Variants in CCDC141 observed in about 807,000 individuals in gnomAD.
The protein encoded by CCDC141 is coiled-coil domain-containing protein 141.
A neutral mutation model predicts 181.0 loss-of-function variants in CCDC141; 168 were observed. The observed-to-expected ratio is 0.93, with a 90% CI of 0.82 to 1.05. The LOEUF is 1.05. Among genes scored for constraint, CCDC141 ranks in the 50% least tolerant of loss-of-function variants. The probability of loss-of-function intolerance (pLI) is 0.00; values close to 1 mark genes in which losing one functional copy is unlikely to be tolerated. For missense variants in CCDC141, 1,902 were observed against 1,788.5 expected, an observed-to-expected ratio of 1.06 and a Z score of -1.14; for synonymous variants, 666 against 642.3, an observed-to-expected ratio of 1.04 and a Z score of -0.56.
rs560278029 is a variant in CCDC141 at position 178,957,079 on chromosome 2, T to C, written c.780+4151A>G. ...TTAGTAGAGATGGGGTTTCTCCATGTTGAGGCTGATCTCGAACTCCTGATC... is the reference window on the plus strand; with the variant it reads ...TTAGTAGAGATGGGGTTTCTCCATGCTGAGGCTGATCTCGAACTCCTGATC... On this transcript the variant is annotated intron_variant, in intron 5 of 23. Transcript: ENST00000443758. Among the ~76,000 whole-genome samples, 19 of 152,298 alleles carry C rather than the reference T, an allele frequency of 1.2e-4. No individual in the cohort carries two copies. In the East Asian group the frequency reaches 3.5e-3, roughly 28 times the overall value.
chr2:178,999,706 C>A (rs1361008096), intron 2 of CCDC141, among the ~76,000 whole-genome samples: 9 of 152,002 alleles, frequency 5.9e-5, no homozygotes, highest in Non-Finnish European at 1.2e-4. Context: ...CTCCTATGGT[C>A]TATCATCTAT....
rs13033688 is a variant in CCDC141, at chr2:178,853,406, T to G, written c.3244+35A>C. 3 of 1,597,576 alleles carry G rather than the reference T, an allele frequency of 1.9e-6. No homozygotes were observed. The East Asian group carries it at 6.7e-5, about 36-fold the overall frequency. ...TTAGGCTCAGTATAGATTTGTTCAA[T>G]GGCCAATCACTGGATATCTTAAAAG... is the stretch of plus-strand genomic sequence containing the variant. On this transcript the variant is annotated intron_variant, in intron 20 of 23. Transcript: ENST00000443758.
chr2:178,871,668 C>G (rs1305151265), intron 13 of CCDC141, 116 bp from the exon 14 acceptor site: 6 of 1,154,614 alleles, frequency 5.2e-6, no homozygotes, highest in Non-Finnish European at 7.3e-6. Context: ...TGAAAACACT[C>G]AGGATGTGGC....
intron 4 of CCDC141, among the ~76,000 whole-genome samples, chr2:178,969,306 A>AT (rs1690776607): frequency 6.6e-6 from 1 of 151,806 alleles, no homozygotes; most frequent in Admixed American, 6.6e-5. Context: ...CAAAAAAGAA[A>AT]ATTTTTTTCT....
chr2:178,935,105 T>C (rs1027283478), intron 6 of CCDC141, among the ~76,000 whole-genome samples: 2 of 152,126 alleles, frequency 1.3e-5, no homozygotes, highest in African/African-American at 4.8e-5. Context: ...ATGTGGATAC[T>C]TTCACAAACA....
intron 5 of CCDC141, among the ~76,000 whole-genome samples, chr2:178,957,234 G>A (rs1229820582): frequency 1.3e-5 from 2 of 152,172 alleles, no homozygotes; most frequent in Admixed American, 6.5e-5. Context: ...AAACTAATAC[G>A]TATTAAGTAC....
chr2:178,978,589 G>C lies in CCDC141; in HGVS notation c.312C>G (p.Ala104=). 6.5e-7 allele frequency: 1 copy of C among 1,549,898 alleles called. No individual in the cohort carries two copies. The highest frequency in any genetic ancestry group is 2.4e-5 in the East Asian group (1 of 40,842). Residue 104 remains alanine, a synonymous_variant, in exon 3 of 24, where the codon GCC becomes GCG. Coordinates refer to ENST00000443758, the MANE Select transcript of CCDC141 (RefSeq NM_173648.4). ...ENKDQSQVYD[A]MAETLGEAWA... is the part of the protein sequence containing the mutation. ...ATGCTTCACCCAGAGTCTCGGCCAT[G>C]GCATCATAGACCTGACTCTGATCCT...
intron 17 of CCDC141, among the ~76,000 whole-genome samples, chr2:178,860,983 C>G (rs897199983): frequency 6.6e-6 from 1 of 152,116 alleles, no homozygotes; most frequent in Non-Finnish European, 1.5e-5. Context: ...ATGTTAAACA[C>G]CAAAATGTTA....
chr2:179,024,425 C>T (rs2042774376), intron 2 of CCDC141, among the ~76,000 whole-genome samples: 1 of 152,196 alleles, frequency 6.6e-6, no homozygotes, highest in Non-Finnish European at 1.5e-5. Context: ...ATTCATTCCA[C>T]AAACATTTGT....
chr2:178,990,150 A>AG (rs934667156), intron 2 of CCDC141, among the ~76,000 whole-genome samples: 1 of 151,708 alleles, frequency 6.6e-6, no homozygotes, highest in Admixed American at 6.6e-5. Context: ...AAAAAAAAAA[A>AG]AAAGAAAGAA....
At chr2:178,941,324 G>T (rs1281578206) in intron 6 of CCDC141, among the ~76,000 whole-genome samples, 1 of 152,138 alleles carries the variant, frequency 6.6e-6, no homozygotes, top group Non-Finnish European at 1.5e-5. Flanking sequence ...CATATACACT[G>T]ATGGGGGTCT....
At chr2:178,983,689 G>A (rs1691560967) in intron 2 of CCDC141, among the ~76,000 whole-genome samples, 1 of 151,412 alleles carries the variant, frequency 6.6e-6, no homozygotes, top group Non-Finnish European at 1.5e-5. Flanking sequence ...AGGAGCCGAT[G>A]CGATCAACTG....
chr2:178,950,704 A>G (rs747736285), intron 5 of CCDC141, among the ~76,000 whole-genome samples: 4 of 152,226 alleles, frequency 2.6e-5, no homozygotes, highest in Non-Finnish European at 5.9e-5. Context: ...TACTGAAATC[A>G]ACTGGAAGGT....
intron 2 of CCDC141, among the ~76,000 whole-genome samples, chr2:179,022,501 C>T (rs1205591764): frequency 6.6e-6 from 1 of 152,218 alleles, no homozygotes; most frequent in Non-Finnish European, 1.5e-5. Context: ...GCCCCAAACA[C>T]TGTTCCGTCT....
chr2:178,877,643 C>A, intron 12 of CCDC141: 1 of 361,522 alleles, frequency 2.8e-6, no homozygotes. Flanking sequence ...TTGAAAGGAC[C>A]TTGTTGCATG....
chr2:178,896,288 G>C (rs550061451), intron 8 of CCDC141, among the ~76,000 whole-genome samples: 1 of 152,112 alleles, frequency 6.6e-6, no homozygotes. Flanking sequence ...CTTTCGGATT[G>C]TGTCTCCCTT....
At chr2:179,047,979 T>G (rs1196524484) in intron 1 of CCDC141, among the ~76,000 whole-genome samples, 2 of 152,218 alleles carry the variant, frequency 1.3e-5, no homozygotes, top group Non-Finnish European at 2.9e-5. Flanking sequence ...AGTTGTTGAA[T>G]ATTCATTAAA....
chr2:178,910,960 T>C (rs1306053065), intron 7 of CCDC141, among the ~76,000 whole-genome samples: 2 of 152,244 alleles, frequency 1.3e-5, no homozygotes, highest in African/African-American at 2.4e-5. Flanking sequence ...AGTTTATGCA[T>C]TGACCATCTC....
At chr2:179,019,045 G>T (rs2042623994) in intron 2 of CCDC141, among the ~76,000 whole-genome samples, 1 of 152,140 alleles carries the variant, frequency 6.6e-6, no homozygotes, top group Non-Finnish European at 1.5e-5. Context: ...GACACCCACA[G>T]CTCCAAGTTC....
Sources: gnomAD v4.1 joint callset for allele counts (sites outside exome capture counted in the v4.1 genomes callset) on GRCh38, gnomAD v4.1.1 for gene constraint, MANE v1.5 for transcripts, NCBI Gene and HGNC (gene_info 2026-07-23, HGNC 2026-07-21) for gene names.